STK11IP: variants seen among roughly 807,000 people sequenced by gnomAD.
The protein encoded by STK11IP is serine/threonine-protein kinase 11-interacting protein.
In STK11IP, 103 loss-of-function variants were observed where a neutral mutation model predicts 131.7. That is an observed-to-expected ratio of 0.78 (90% CI 0.67 to 0.92). The LOEUF (loss-of-function observed/expected upper bound fraction) is 0.92. Ranked by LOEUF, STK11IP falls within the 40% of genes least tolerant of loss-of-function variation. The pLI is 0.00. For synonymous variants in STK11IP, 557 were observed against 575.6 expected (o/e 0.97, Z 0.46); for missense variants, 1,315 against 1,385.7 (o/e 0.95, Z 0.81).
At chr2:219,613,037 G>A in intron 19 of STK11IP, 91 bp from the exon 20 acceptor site, 6 of 980,012 alleles carry the variant, frequency 6.1e-6, no homozygotes, top group East Asian at 2.6e-5. Context: ...GGGTCAGGCC[G>A]AGGGTGCTGT....
chr2:219,599,860 C>T (rs1461129561), intron 2 of STK11IP, among the ~76,000 whole-genome samples: 7 of 151,260 alleles, frequency 4.6e-5, no homozygotes, highest in African/African-American at 1.7e-4. Context: ...GCCTCAGCCT[C>T]CCGAGTAGCT....
At position 219,614,601 on chromosome 2, in the gene STK11IP, A is replaced by G. The variant is rs761577977; in HGVS notation, c.2869+55A>G. The G allele has an allele frequency of 2.2e-5, 34 of 1,570,742 alleles. 3 individuals are homozygous for G. The South Asian group carries it at 3.6e-4, about 16-fold the overall frequency. On this transcript the variant is annotated intron_variant, in intron 23 of 24. Coordinates refer to ENST00000456909, the MANE Select transcript of STK11IP (RefSeq NM_052902.4). The stretch of plus-strand genomic sequence containing the variant: ...TGGTCTCTGTACCCTACCTTGTCAC[A>G]GGCACTGGCCCACGCGCAGCACCTG...
At chr2:219,601,861 C>T in intron 4 of STK11IP, 127 bp from the exon 5 acceptor site, 1 of 1,241,482 alleles carries the variant, frequency 8.1e-7, no homozygotes. Flanking sequence ...ACTGTCTTTC[C>T]ATTTACTGCT....
In STK11IP at chr2:219,611,646, T is replaced by G. The variant is rs987955325; in HGVS notation, c.2147T>G (p.Val716Gly). ...CCTAACTGTGGTAGTGACCACGTGGTTCTCCTCGCTGTGTCTCGGGGAACC... is the reference window on the plus strand; with the variant it reads ...CCTAACTGTGGTAGTGACCACGTGGGTCTCCTCGCTGTGTCTCGGGGAACC... ...VCPNCGSDHV[V>G]LLAVSRGTPN... Residue 716 changes from valine (V) to glycine (G), a missense_variant, in exon 18 of 25, where the codon GTT (valine) becomes GGT (glycine). Val to Gly is a moderately radical substitution (Grantham distance 109). Transcript: ENST00000456909. The G allele has an allele frequency of 3.7e-6, 6 of 1,612,966 alleles. No individual in the cohort carries two copies. The highest frequency in any genetic ancestry group is 3.3e-5 in the South Asian group (3 of 91,054).
chr2:219,603,809 C>T (rs547841566), intron 7 of STK11IP, among the ~76,000 whole-genome samples: 3 of 152,112 alleles, frequency 2.0e-5, no homozygotes, highest in African/African-American at 4.8e-5. Flanking sequence ...TGTGAGCCAC[C>T]GTGCCCGACC....
chr2:219,612,655 G>A (rs1322328241), intron 19 of STK11IP, among the ~76,000 whole-genome samples: 1 of 152,220 alleles, frequency 6.6e-6, no homozygotes, highest in African/African-American at 2.4e-5. Context: ...AGGCCCGAGA[G>A]TGTCGCTGGT....
chr2:219,612,065 G>C lies in STK11IP; in HGVS notation c.2439+7G>C, dbSNP rs776425036. 12 of 1,591,710 alleles carry C rather than the reference G, an allele frequency of 7.5e-6. No individual in the cohort carries two copies. The highest frequency in any genetic ancestry group is 9.4e-6 in the Non-Finnish European group (11 of 1,169,344). ...GTTCCAGTGCTGCCTCAAGGTCTGT[G>C]CTCCCTGACACTGCCCATGCCCCCA... On this transcript the variant is annotated splice_region_variant and intron_variant, in intron 19 of 24. Transcript: ENST00000456909.
Position 219,608,199 on chromosome 2 carries a change from G to A in STK11IP, c.1372G>A (p.Ala458Thr), listed in dbSNP as rs763793832. The A allele has an allele frequency of 1.2e-6, 2 of 1,613,628 alleles. No individual in the cohort carries two copies. The highest frequency in any genetic ancestry group is 1.7e-6 in the Non-Finnish European group (2 of 1,179,882). ...TACTTCTGCACCCAGTGCACCTCCA[G>A]CCAGCTCCCAGGGCCCCGACACTGC... ...PTTSAPSAPPASSQGPDTAPR... is the reference protein window; with the variant it reads ...PTTSAPSAPPTSSQGPDTAPR... The change falls in exon 14 of 25, where the codon GCC (alanine) becomes ACC (threonine). Residue 458 changes from alanine (A) to threonine (T), a missense_variant. By Grantham distance (58) the Ala-to-Thr change is moderately conservative. Transcript: ENST00000456909.
Position 219,606,754 on chromosome 2 carries a change from C to T in STK11IP, c.1030C>T (p.Pro344Ser), listed in dbSNP as rs376980555. ...GCTCAGCCCCATGGGCCCACCTTTG[C>T]CCTGGCCAGTGGGGAGTACTCCTGA... Reference protein sequence around the residue: ...LGLSPMGPPLPWPVGSTPETS... With the variant: ...LGLSPMGPPLSWPVGSTPETS... Residue 344 changes from proline to serine, a missense_variant, in exon 12 of 25, where the codon CCC becomes TCC. Pro to Ser is a moderately conservative substitution (Grantham distance 74, BLOSUM62 -1). Transcript: ENST00000456909. 1 of 1,613,640 alleles carries T rather than the reference C, an allele frequency of 6.2e-7. No homozygotes were observed. Among genetic ancestry groups the T allele is most frequent in the Non-Finnish European group, 8.5e-7 (1 of 1,179,746 alleles).
intron 2 of STK11IP, among the ~76,000 whole-genome samples, chr2:219,600,592 G>C (rs1697954212): frequency 6.6e-6 from 1 of 152,174 alleles, no homozygotes; most frequent in Non-Finnish European, 1.5e-5. Context: ...GTGCAGTGAT[G>C]AATACCAGAG....
At chr2:219,599,369 G>A (rs1423079619) in intron 2 of STK11IP, among the ~76,000 whole-genome samples, 6 of 152,206 alleles carry the variant, frequency 3.9e-5, no homozygotes, top group Non-Finnish European at 5.9e-5. Flanking sequence ...GATTAAAGTC[G>A]TGAGCCACAG....
Position 219,609,152 on chromosome 2 carries a change from G to A in STK11IP, c.1865G>A (p.Cys622Tyr), listed in dbSNP as rs753532382. 5.0e-6 allele frequency: 8 copies of A among 1,610,432 alleles called. No individual in the cohort carries two copies. Among genetic ancestry groups the A allele is most frequent in the Non-Finnish European group, 5.9e-6 (7 of 1,178,574 alleles). Residue 622 changes from cysteine (C) to tyrosine (Y), a missense_variant, in exon 16 of 25, where the codon TGC (cysteine) becomes TAC (tyrosine). Physicochemically the swap from Cys to Tyr is radical, Grantham distance 194 (BLOSUM62 -2). Transcript: ENST00000456909. Reference sequence around the variant, plus strand: ...CTCAGTCTGCGCTTCTCCTACATCTGCCCTGACCGGCAGTTGCGTCGCTAT... The same window carrying A: ...CTCAGTCTGCGCTTCTCCTACATCTACCCTGACCGGCAGTTGCGTCGCTAT... ...PILSLRFSYI[C>Y]PDRQLRRYLV...
chr2:219,604,786 T>C (rs1171682413), intron 7 of STK11IP, among the ~76,000 whole-genome samples: 1 of 151,942 alleles, frequency 6.6e-6, no homozygotes, highest in African/African-American at 2.4e-5. Flanking sequence ...GTTATTTCCC[T>C]GAACAGAGCC....
Position 219,608,294 on chromosome 2 carries a change from G to A in STK11IP, c.1467G>A (p.Glu489=), listed in dbSNP as rs771760364. The A allele has an allele frequency of 6.2e-7, 1 of 1,611,672 alleles. No individual in the cohort carries two copies. Among genetic ancestry groups the A allele is most frequent in the Non-Finnish European group, 8.5e-7 (1 of 1,179,048 alleles). Reference sequence around the variant, plus strand: ...AGTCACCACAGAAAATGTCAGAGGAGGTCAGGGCGGAGCCACAGGAGGAGG... The same window carrying A: ...AGTCACCACAGAAAATGTCAGAGGAAGTCAGGGCGGAGCCACAGGAGGAGG... The part of the protein sequence containing the change: ...PQESPQKMSE[E]VRAEPQEEEE... The change falls in exon 14 of 25, where the codon GAG becomes GAA. Residue 489 remains glutamate (E), a synonymous_variant. Transcript: ENST00000456909.
intron 24 of STK11IP, 104 bp downstream of exon 24, chr2:219,615,445 G>T: frequency 1.4e-6 from 2 of 1,448,668 alleles, no homozygotes; most frequent in Non-Finnish European, 1.8e-6. Context: ...CCTGGGCATT[G>T]GTGGCAGGAT....
chr2:219,609,236 C>T (rs755246222), intron 16 of STK11IP, 23 bp downstream of exon 16: 1 of 1,580,498 alleles, frequency 6.3e-7, no homozygotes, highest in Non-Finnish European at 8.6e-7. Context: ...AGAGTGGGGG[C>T]CCAGGAGGCT....
At chr2:219,612,202 C>G (rs568006935) in intron 19 of STK11IP, 144 bp downstream of exon 19, 2 of 711,986 alleles carry the variant, frequency 2.8e-6, no homozygotes, top group Non-Finnish European at 4.7e-6. Context: ...GCTGTGTGGC[C>G]GTGGACACAT....
intron 17 of STK11IP, chr2:219,609,760 T>TA (rs1220079905): frequency 1.3e-4 from 58 of 462,622 alleles, no homozygotes; most frequent in African/African-American, 9.9e-4. Flanking sequence ...TTTTTTTTTT[T>TA]AACTCTAAAA....
intron 2 of STK11IP, 59 bp from the exon 3 acceptor site, chr2:219,601,176 G>A: frequency 6.9e-7 from 1 of 1,455,384 alleles, no homozygotes; most frequent in Non-Finnish European, 9.4e-7. Context: ...TAGAGCCTTA[G>A]AATAAAGAGA....
Sources: gnomAD v4.1 joint callset for allele counts (sites outside exome capture counted in the v4.1 genomes callset) on GRCh38, gnomAD v4.1.1 for gene constraint, MANE v1.5 for transcripts, NCBI Gene and HGNC (gene_info 2026-07-23, HGNC 2026-07-21) for gene names.